PKP4: variants seen among roughly 807,000 people sequenced by gnomAD.
PKP4 encodes the protein plakophilin 4.
A neutral mutation model predicts 145.1 loss-of-function variants in PKP4; 90 were observed. That is an observed-to-expected ratio of 0.62 (90% CI 0.52 to 0.74). The LOEUF (loss-of-function observed/expected upper bound fraction) is 0.74, where lower values mean the gene tolerates loss of function less well. Among genes scored for constraint, PKP4 ranks in the 30% least tolerant of loss-of-function variants. The pLI is 0.00. For missense variants in PKP4, 1,340 were observed against 1,482.7 expected (o/e 0.90, Z 1.58); for synonymous variants, 563 against 577.2 (o/e 0.98, Z 0.35).
chr2:158,461,132 T>C (rs1367788741), intron 1 of PKP4, among the ~76,000 whole-genome samples: 1 of 152,170 alleles, frequency 6.6e-6, no homozygotes, highest in Admixed American at 6.5e-5. Context: ...TTCATGTACT[T>C]GCTGGTTTCA....
chr2:158,566,140 C>T (rs1406611739), intron 2 of PKP4, among the ~76,000 whole-genome samples: 2 of 152,112 alleles, frequency 1.3e-5, no homozygotes, highest in East Asian at 3.9e-4. Flanking sequence ...TATTTGTTTT[C>T]ATTCTCATTA....
intron 3 of PKP4, among the ~76,000 whole-genome samples, chr2:158,586,754 C>T (rs3771627): frequency 0.46 from 70,646 of 152,028 alleles, 17,366 homozygotes; most frequent in South Asian, 0.67. Flanking sequence ...TTTGCTCAAC[C>T]ACAGTTCTTC....
intron 4 of PKP4, among the ~76,000 whole-genome samples, chr2:158,620,724 G>A (rs1388093944): frequency 1.3e-5 from 2 of 152,156 alleles, no homozygotes; most frequent in African/African-American, 2.4e-5. Context: ...AAGAGGAACA[G>A]GATCAGTTTT....
chr2:158,480,308 C>G (rs1274741220), intron 1 of PKP4, among the ~76,000 whole-genome samples: 1 of 152,182 alleles, frequency 6.6e-6, no homozygotes, highest in Non-Finnish European at 1.5e-5. Context: ...GCGATCTCGG[C>G]TCACTGCAAC....
intron 3 of PKP4, 52 bp downstream of exon 3, chr2:158,577,435 T>A: frequency 8.8e-7 from 1 of 1,141,764 alleles, no homozygotes; most frequent in Non-Finnish European, 1.3e-6. Context: ...CATGCCTTAC[T>A]AGGTTGTTCT....
chr2:158,531,010 C>T (rs2043494643), intron 1 of PKP4, among the ~76,000 whole-genome samples: 2 of 152,108 alleles, frequency 1.3e-5, no homozygotes, highest in African/African-American at 4.8e-5. Context: ...GTTGCTGCAT[C>T]AGCTAGGTGA....
chr2:158,630,426 T>C (rs528235984), intron 7 of PKP4, among the ~76,000 whole-genome samples: 1 of 152,320 alleles, frequency 6.6e-6, no homozygotes, highest in South Asian at 2.1e-4. Context: ...TGAGTTCTTA[T>C]AAAAACAGTT....
At chr2:158,632,085 G>A in intron 8 of PKP4, 144 bp downstream of exon 8, 2 of 667,252 alleles carry the variant, frequency 3.0e-6, no homozygotes, top group Non-Finnish European at 2.6e-6. Context: ...AGATCAATAA[G>A]CAATAAAACA....
intron 1 of PKP4, among the ~76,000 whole-genome samples, chr2:158,532,459 C>T (rs1364383831): frequency 2.0e-5 from 3 of 152,176 alleles, no homozygotes; most frequent in Admixed American, 6.5e-5. Flanking sequence ...CACTAGAAGA[C>T]AGAGAGACTG....
At chr2:158,528,170 A>G (rs901266438) in intron 1 of PKP4, among the ~76,000 whole-genome samples, 1 of 145,270 alleles carries the variant, frequency 6.9e-6, no homozygotes, top group African/African-American at 2.5e-5. Flanking sequence ...TCATGCTGCT[A>G]TAAAGACACA....
intron 17 of PKP4, among the ~76,000 whole-genome samples, chr2:158,670,285 G>C (rs2057444985): frequency 6.6e-6 from 1 of 152,190 alleles, no homozygotes; most frequent in South Asian, 2.1e-4. Flanking sequence ...AACAGATTTG[G>C]TGTCTGGTGA....
intron 11 of PKP4, among the ~76,000 whole-genome samples, chr2:158,646,579 C>G (rs1167299971): frequency 6.6e-6 from 1 of 152,146 alleles, no homozygotes; most frequent in Non-Finnish European, 1.5e-5. Context: ...TGGTACCAAT[C>G]TTAACTGATG....
chr2:158,630,655 A>G (rs1558918124), intron 7 of PKP4, among the ~76,000 whole-genome samples: 1 of 152,220 alleles, frequency 6.6e-6, no homozygotes, highest in East Asian at 1.9e-4. Flanking sequence ...TTGGGATTCA[A>G]AGAGGTGCGA....
chr2:158,673,767 C>T lies in PKP4; in HGVS notation c.3009+6C>T, dbSNP rs750660831. On this transcript the variant is annotated splice_donor_region_variant and intron_variant, in intron 18 of 21. Coordinates refer to ENST00000389759, the MANE Select transcript of PKP4 (RefSeq NM_003628.6). ...TCCGGAGCATTTATAAAAAGGTAAC[C>T]TACAAGAATAGCTCTGGCATAATTA... 1 of 1,586,274 alleles carries T rather than the reference C, an allele frequency of 6.3e-7. No individual in the cohort carries two copies. The highest frequency in any genetic ancestry group is 2.2e-5 in the East Asian group (1 of 44,752).
Position 158,640,754 on chromosome 2 carries a change from A to T in PKP4, c.1690A>T (p.Met564Leu). The change falls in exon 10 of 22, where the codon ATG becomes TTG. Residue 564 changes from methionine to leucine, a missense_variant. By Grantham distance (15) the Met-to-Leu change is conservative (BLOSUM62 2). Coordinates refer to ENST00000389759, the MANE Select transcript of PKP4 (RefSeq NM_003628.6). ...GTGCTTTGGTGACAACAAAGTGAAG[A>T]TGGAGGTACAGGACATGGTGCCTGG... is the stretch of plus-strand genomic sequence containing the variant. ...HLCFGDNKVK[M>L]EVCRLGGIKH... The T allele has an allele frequency of 4.3e-6, 7 of 1,614,092 alleles. No individual in the cohort carries two copies. Among genetic ancestry groups the T allele is most frequent in the Non-Finnish European group, 5.9e-6 (7 of 1,179,970 alleles).
chr2:158,546,797 C>CA (rs1249558970), intron 2 of PKP4, among the ~76,000 whole-genome samples: 1 of 151,976 alleles, frequency 6.6e-6, no homozygotes, highest in Non-Finnish European at 1.5e-5. Context: ...GCTGAAATCT[C>CA]AAAGTTGAGA....
intron 2 of PKP4, among the ~76,000 whole-genome samples, chr2:158,534,954 G>A (rs1009765260): frequency 2.6e-5 from 4 of 152,088 alleles, no homozygotes; most frequent in Non-Finnish European, 5.9e-5. Flanking sequence ...AGTTTAGTGG[G>A]ATGCTATACT....
chr2:158,658,182 G>A lies in PKP4; in HGVS notation c.1961G>A (p.Arg654Gln), dbSNP rs375821441. The change falls in exon 12 of 22, where the codon CGA (arginine) becomes CAA (glutamine). Residue 654 changes from arginine (R) to glutamine (Q), a missense_variant. By Grantham distance (43) the Arg-to-Gln change is conservative. Transcript: ENST00000389759. ...GATGCTGTAAAAATGACAATCATTC[G>A]AGATGCTCTCTCAACCTTAACAAAC... ...SCDAVKMTII[R>Q]DALSTLTNTV... The A allele has an allele frequency of 1.1e-5, 18 of 1,606,142 alleles. No homozygotes were observed. Among genetic ancestry groups the A allele is most frequent in the South Asian group, 3.3e-5 (3 of 90,510 alleles).
At chr2:158,595,664 A>G (rs2049664244) in intron 3 of PKP4, among the ~76,000 whole-genome samples, 1 of 152,226 alleles carries the variant, frequency 6.6e-6, no homozygotes, top group East Asian at 1.9e-4. Context: ...CCTGATCATA[A>G]TTGAAGATTT....
Sources: allele counts gnomAD v4.1 joint callset (sites outside exome capture counted in the v4.1 genomes callset), GRCh38; gene constraint gnomAD v4.1.1; transcripts MANE v1.5; gene names NCBI Gene and HGNC (gene_info 2026-07-23, HGNC 2026-07-21).